NCOR1: variants seen among roughly 807,000 people sequenced by gnomAD.
NCOR1 encodes protein phosphatase 1, regulatory subunit 109.
Under a neutral mutation model 288.1 loss-of-function variants are expected in NCOR1, and 63 were observed. The ratio of observed to expected loss-of-function variants is 0.22; its 90% CI spans 0.18 to 0.27. The LOEUF is 0.27. NCOR1 is among the 10% of genes least tolerant of loss of function. The pLI is 1.00. For missense variants in NCOR1, 2,397 were observed against 3,019.2 expected (o/e 0.79, Z 4.83); for synonymous variants, 1,007 against 1,065.9 (o/e 0.94, Z 1.08).
chr17:16,058,541 G>A lies in NCOR1; in HGVS notation c.5940C>T (p.Ser1980=), dbSNP rs753389345. 5 of 1,613,932 alleles carry A rather than the reference G, an allele frequency of 3.1e-6. No individual in the cohort carries two copies. The East Asian group carries it at 6.7e-5, about 22-fold the overall frequency. The part of the protein sequence containing the change: ...SDAIEVISPA[S]SPAPPQEKLQ... The stretch of plus-strand genomic sequence containing the variant: ...GTTTCTCCTGGGGTGGCGCAGGTGA[G>A]CTGGCAGGACTTATCACCTCAATAG... The change falls in exon 38 of 46, where the codon AGC becomes AGT. Residue 1980 remains serine (S), a synonymous_variant. Coordinates refer to ENST00000268712, the MANE Select transcript of NCOR1 (RefSeq NM_006311.4).
chr17:16,118,157 CATAT>C (rs1192377186), intron 17 of NCOR1, 130 bp from the exon 18 acceptor site: 1 of 876,464 alleles, frequency 1.1e-6, no homozygotes, highest in Non-Finnish European at 1.7e-6. Flanking sequence ...AATTACTTAT[CATAT>C]ATACTTTGAT....
chr17:16,192,033 C>CA (rs1003772123), intron 2 of NCOR1: 75 of 128,138 alleles, frequency 5.9e-4, no homozygotes, highest in Middle Eastern at 3.9e-3. Flanking sequence ...ACCCAGGTTA[C>CA]AAAAAAAAAA....
At chr17:16,170,643 T>C (rs535498850) in intron 4 of NCOR1, among the ~76,000 whole-genome samples, 414 of 152,088 alleles carry the variant, frequency 2.7e-3, no homozygotes, top group Non-Finnish European at 3.4e-3. Flanking sequence ...GAGACCAGCC[T>C]GGCCAACACG....
At chr17:16,174,819 A>C (rs560821683) in intron 3 of NCOR1, among the ~76,000 whole-genome samples, 1 of 152,282 alleles carries the variant, frequency 6.6e-6, no homozygotes, top group South Asian at 2.1e-4. Flanking sequence ...TATACTTTGA[A>C]AACGATCTGG....
chr17:16,136,819 A>AAG, intron 14 of NCOR1, among the ~76,000 whole-genome samples: 2 of 137,260 alleles, frequency 1.5e-5, no homozygotes, highest in African/African-American at 4.9e-5. Context: ...AAAAAAAAAA[A>AAG]AAAAAAAAAG....
chr17:16,121,073 G>A lies in NCOR1; in HGVS notation c.1831C>T (p.Leu611=). ...TCACTGGGTTCTGGTGGCGGTGGCA[G>A]AGGTGGTGGGGGCTCTTCAGTAGCC... is the stretch of plus-strand genomic sequence containing the variant. The part of the protein sequence containing the change: ...AAATEEPPPP[L]PPPPEPISTE... The change falls in exon 16 of 46, where the codon CTG becomes TTG. Residue 611 remains leucine (L), a synonymous_variant. Transcript: ENST00000268712. 6.2e-7 allele frequency: 1 copy of A among 1,613,698 alleles called. No individual in the cohort carries two copies. Among genetic ancestry groups the A allele is most frequent in the Non-Finnish European group, 8.5e-7 (1 of 1,179,736 alleles).
At chr17:16,040,724 A>G (rs570158357) in intron 42 of NCOR1, 1 of 556,610 alleles carries the variant, frequency 1.8e-6, no homozygotes, top group Admixed American at 2.5e-5. Context: ...TAGGTAAGGT[A>G]GGAACATCAA....
intron 40 of NCOR1, among the ~76,000 whole-genome samples, chr17:16,050,094 AT>A (rs1029885055): frequency 1.4e-4 from 22 of 151,812 alleles, no homozygotes; most frequent in African/African-American, 4.8e-4. Context: ...CTGGTGGCCC[AT>A]TTTTAATTTT....
At chr17:16,125,580 T>C (rs2073871182) in intron 15 of NCOR1, among the ~76,000 whole-genome samples, 1 of 150,596 alleles carries the variant, frequency 6.6e-6, no homozygotes, top group Non-Finnish European at 1.5e-5. Context: ...CAGATGCCTG[T>C]AGGCCCAGCT....
intron 44 of NCOR1, among the ~76,000 whole-genome samples, chr17:16,038,088 CTAATCTCTT>C (rs1004691320): frequency 6.6e-6 from 1 of 151,984 alleles, no homozygotes; most frequent in Non-Finnish European, 1.5e-5. Flanking sequence ...TTTAAGACCT[CTAATCTCTT>C]TAATCTTTTT....
At position 16,186,735 on chromosome 17, in the gene NCOR1, A is replaced by T. The variant is rs202093961; in HGVS notation, c.109-48T>A. The T allele has an allele frequency of 5.1e-5, 80 of 1,572,404 alleles. 1 individual carries two copies. Among genetic ancestry groups the T allele is most frequent in the Non-Finnish European group, 6.4e-5 (74 of 1,148,866 alleles). ...TCAATTATTAACCAAAAACTGAACAACATCATGAAATCAAAGCAAGTATAA... is the reference window on the plus strand; with the variant it reads ...TCAATTATTAACCAAAAACTGAACATCATCATGAAATCAAAGCAAGTATAA... On this transcript the variant is annotated intron_variant, in intron 2 of 45. Transcript: ENST00000268712.
intron 11 of NCOR1, among the ~76,000 whole-genome samples, chr17:16,142,312 C>G (rs1411571122): frequency 6.6e-6 from 1 of 152,072 alleles, no homozygotes; most frequent in African/African-American, 2.4e-5. Context: ...CGAGTATTAA[C>G]TGTATATTTA....
intron 6 of NCOR1, among the ~76,000 whole-genome samples, chr17:16,158,226 G>A (rs1042402935): frequency 1.3e-5 from 2 of 151,998 alleles, no homozygotes; most frequent in African/African-American, 2.4e-5. Flanking sequence ...TACCCGCCTC[G>A]GCCTCCCAAA....
intron 10 of NCOR1, among the ~76,000 whole-genome samples, chr17:16,145,557 T>C (rs1229975412): frequency 6.7e-6 from 1 of 148,454 alleles, no homozygotes; most frequent in Non-Finnish European, 1.5e-5. Flanking sequence ...CGCCACCCTG[T>C]CTGGGAGGTG....
intron 21 of NCOR1, among the ~76,000 whole-genome samples, chr17:16,093,868 G>A (rs2065854221): frequency 6.6e-6 from 1 of 151,994 alleles, no homozygotes; most frequent in South Asian, 2.1e-4. Context: ...ACCTAATAGA[G>A]CATCGCATTT....
Position 16,029,585 on chromosome 17 carries a change from C to T in NCOR1, c.*2711G>A, listed in dbSNP as rs115578748. On this transcript the variant is annotated 3_prime_UTR_variant, in exon 46 of 46. Coordinates refer to ENST00000268712, the MANE Select transcript of NCOR1 (RefSeq NM_006311.4). Reference sequence around the variant, plus strand: ...TTAGTTCTGGGTGCTAAAAAAATCACGTGTAAGGATATAGTGTCAGAACAC... The same window carrying T: ...TTAGTTCTGGGTGCTAAAAAAATCATGTGTAAGGATATAGTGTCAGAACAC... 3.2e-3 allele frequency: 646 copies of T among 201,712 alleles called. 8 individuals are homozygous for T. Among genetic ancestry groups the T allele is most frequent in the African/African-American group, 0.015 (622 of 42,354 alleles). The allele number at this position is 201,712 out of a possible 1,614,324, so 12.5% of individuals were successfully genotyped here.
At chr17:16,128,527 G>C (rs2075107425) in intron 14 of NCOR1, among the ~76,000 whole-genome samples, 1 of 152,112 alleles carries the variant, frequency 6.6e-6, no homozygotes, top group Non-Finnish European at 1.5e-5. Context: ...GAGAGTGTCT[G>C]GACCATGATG....
At chr17:16,179,014 A>G (rs976637458) in intron 3 of NCOR1, among the ~76,000 whole-genome samples, 6 of 152,158 alleles carry the variant, frequency 3.9e-5, no homozygotes, top group African/African-American at 1.4e-4. Flanking sequence ...GAGGCAGAAG[A>G]ATCGTTTGAA....
intron 20 of NCOR1, among the ~76,000 whole-genome samples, chr17:16,100,218 G>A (rs887248564): frequency 6.6e-6 from 1 of 151,826 alleles, no homozygotes. Context: ...GGAAACACCA[G>A]GAAATAAAAT....
Sources: allele counts gnomAD v4.1 joint callset (sites outside exome capture counted in the v4.1 genomes callset), GRCh38; gene constraint gnomAD v4.1.1; transcripts MANE v1.5; gene names NCBI Gene and HGNC (gene_info 2026-07-23, HGNC 2026-07-21).